The following ZNF536 variants were observed in gnomAD, a reference collection of about 807,000 sequenced individuals.
The protein encoded by ZNF536 is zinc finger protein 536.
Under a neutral mutation model 84.5 loss-of-function variants are expected in ZNF536, and 13 were observed. The observed-to-expected ratio is 0.15, with a 90% CI of 0.10 to 0.24. The LOEUF is 0.24. Ranked by LOEUF, ZNF536 falls within the 10% of genes least tolerant of loss-of-function variation. The pLI is 1.00. For missense variants in ZNF536, 1,536 were observed against 1,747.5 expected, an observed-to-expected ratio of 0.88 and a Z score of 2.16; for synonymous variants, 811 against 742.5, an observed-to-expected ratio of 1.09 and a Z score of -1.50.
At chr19:30,434,723 G>T (rs2051630810) in intron 1 of ZNF536, among the ~76,000 whole-genome samples, 1 of 152,118 alleles carries the variant, frequency 6.6e-6, no homozygotes, top group Non-Finnish European at 1.5e-5. Context: ...TAGTGATGGT[G>T]GTGGCCATGA....
At chr19:30,277,184 G>A (rs1008522529) in intron 1 of ZNF536, among the ~76,000 whole-genome samples, 3 of 152,164 alleles carry the variant, frequency 2.0e-5, no homozygotes, top group Admixed American at 2.0e-4. Flanking sequence ...AGAGTAAGCG[G>A]CAACAGACAA....
intron 1 of ZNF536, among the ~76,000 whole-genome samples, chr19:30,666,235 A>G (rs1343037956): frequency 3.9e-5 from 6 of 152,180 alleles, no homozygotes; most frequent in Non-Finnish European, 7.4e-5. Flanking sequence ...CAGCAGGTGC[A>G]CTGCCTCCCA....
intron 1 of ZNF536, among the ~76,000 whole-genome samples, chr19:30,696,653 T>C (rs1600299262): frequency 6.6e-6 from 1 of 152,096 alleles, no homozygotes; most frequent in South Asian, 2.1e-4. Flanking sequence ...AGGCAAAATC[T>C]GTAGGGCATG....
At chr19:30,277,006 G>A (rs2026164359) in intron 1 of ZNF536, among the ~76,000 whole-genome samples, 1 of 152,146 alleles carries the variant, frequency 6.6e-6, no homozygotes, top group African/African-American at 2.4e-5. Context: ...ATTAAAAATT[G>A]ATTTTGTCCC....
At chr19:30,383,314 A>AC (rs1322313649) in intron 1 of ZNF536, among the ~76,000 whole-genome samples, 1 of 151,560 alleles carries the variant, frequency 6.6e-6, no homozygotes, top group Non-Finnish European at 1.5e-5. Context: ...AAACAAACAA[A>AC]AAAAACAAAT....
At chr19:30,621,503 A>G (rs1160685640) in intron 1 of ZNF536, among the ~76,000 whole-genome samples, 1 of 152,202 alleles carries the variant, frequency 6.6e-6, no homozygotes, top group African/African-American at 2.4e-5. Flanking sequence ...CAAACAGTCC[A>G]TATTAGATGA....
At chr19:30,416,584 G>A (rs1401265915) in intron 1 of ZNF536, among the ~76,000 whole-genome samples, 1 of 152,014 alleles carries the variant, frequency 6.6e-6, no homozygotes, top group Admixed American at 6.5e-5. Flanking sequence ...GGCAGGCTGG[G>A]ACTCACCCAC....
chr19:30,373,039 C>T (rs527782108), intron 1 of ZNF536, among the ~76,000 whole-genome samples: 2 of 152,206 alleles, frequency 1.3e-5, no homozygotes, highest in Non-Finnish European at 2.9e-5. Flanking sequence ...TACCATACCA[C>T]ACAAAGAAAA....
rs373737223 is a variant in ZNF536 at position 30,548,165 on chromosome 19, A to T, written c.2546A>T (p.Asp849Val). ...RGAFKGLPGI[D>V]FRGGPASQQW... Reference sequence around the variant, plus strand: ...GCCTTCAAGGGTCTCCCTGGAATCGACTTCAGAGGAGGCCCTGCATCTCAG... The same window carrying T: ...GCCTTCAAGGGTCTCCCTGGAATCGTCTTCAGAGGAGGCCCTGCATCTCAG... Residue 849 changes from aspartate (D) to valine (V), a missense_variant, in exon 4 of 5, where the codon GAC (aspartate) becomes GTC (valine). This residue lies in a region of ZNF536 where 624 missense variants were observed against 603.1 expected (regional missense o/e 1.03). Coordinates refer to ENST00000355537, the MANE Select transcript of ZNF536 (RefSeq NM_014717.3). 6.2e-7 allele frequency: 1 copy of T among 1,614,054 alleles called. No individual in the cohort carries two copies. Among genetic ancestry groups the T allele is most frequent in the Non-Finnish European group, 8.5e-7 (1 of 1,180,008 alleles).
intron 2 of ZNF536, among the ~76,000 whole-genome samples, chr19:30,289,671 G>C (rs1412826710): frequency 6.6e-6 from 1 of 152,170 alleles, no homozygotes; most frequent in Non-Finnish European, 1.5e-5. Flanking sequence ...ACTTTTGTGA[G>C]TGAATTGGAA....
At chr19:30,526,751 G>T (rs1468515075) in intron 2 of ZNF536, among the ~76,000 whole-genome samples, 3 of 151,494 alleles carry the variant, frequency 2.0e-5, no homozygotes, top group Non-Finnish European at 2.9e-5. Flanking sequence ...AAAAAGAACG[G>T]GTTCAGGGCT....
At chr19:30,588,946 G>A (rs1179984779) in intron 1 of ZNF536, among the ~76,000 whole-genome samples, 5 of 152,202 alleles carry the variant, frequency 3.3e-5, no homozygotes, top group Non-Finnish European at 7.3e-5. Context: ...CTAAAGACAA[G>A]CATGTTTTGG....
intron 1 of ZNF536, among the ~76,000 whole-genome samples, chr19:30,248,000 T>C (rs936261733): frequency 6.6e-6 from 1 of 152,190 alleles, no homozygotes; most frequent in Non-Finnish European, 1.5e-5. Context: ...CCCTGTCACC[T>C]TACGGTGCAG....
chr19:30,251,039 A>G (rs2024578133), intron 1 of ZNF536, among the ~76,000 whole-genome samples: 1 of 152,112 alleles, frequency 6.6e-6, no homozygotes, highest in South Asian at 2.1e-4. Context: ...CCCGGTCTAC[A>G]AAGAACATGT....
At chr19:30,707,724 T>A (rs759901971) in intron 1 of ZNF536, among the ~76,000 whole-genome samples, 2 of 152,140 alleles carry the variant, frequency 1.3e-5, no homozygotes, top group Non-Finnish European at 2.9e-5. Flanking sequence ...AATGTGTAAT[T>A]CCTGGCAGGG....
intron 2 of ZNF536, among the ~76,000 whole-genome samples, chr19:30,302,461 A>G (rs1370647662): frequency 1.3e-5 from 2 of 152,174 alleles, no homozygotes; most frequent in East Asian, 3.9e-4. Context: ...CACATGCAGA[A>G]TCCTATAGGA....
At chr19:30,481,307 G>A (rs187258364) in intron 2 of ZNF536, among the ~76,000 whole-genome samples, 156 of 152,166 alleles carry the variant, frequency 1.0e-3, no homozygotes, top group Non-Finnish European at 2.9e-4. Context: ...GCCCACTATC[G>A]TCTTTTCAAA....
At chr19:30,685,865 G>T (rs377418536) in intron 1 of ZNF536, among the ~76,000 whole-genome samples, 1 of 152,154 alleles carries the variant, frequency 6.6e-6, no homozygotes, top group Non-Finnish European at 1.5e-5. Flanking sequence ...CTCCTGGAAC[G>T]TCATTTGTTT....
intron 2 of ZNF536, among the ~76,000 whole-genome samples, chr19:30,483,950 GCT>G (rs1482047134): frequency 6.6e-6 from 1 of 151,958 alleles, no homozygotes; most frequent in African/African-American, 2.4e-5. Flanking sequence ...TGTGTGTTCA[GCT>G]CTCTCTACTG....
Sources: gnomAD v4.1 joint callset for allele counts (sites outside exome capture counted in the v4.1 genomes callset) on GRCh38, gnomAD v4.1.1 for gene constraint, gnomAD v4.1.1 regional missense constraint, MANE v1.5 for transcripts, NCBI Gene and HGNC (gene_info 2026-07-23, HGNC 2026-07-21) for gene names.